The following CEP126 variants were observed in gnomAD, a reference collection of about 807,000 sequenced individuals.
CEP126 encodes the protein centrosomal protein of 126 kDa.
In CEP126, 74 loss-of-function variants were observed where a neutral mutation model predicts 107.8. The observed-to-expected ratio is 0.69, with a 90% CI of 0.57 to 0.83. The LOEUF is 0.83. CEP126 is among the 40% of genes least tolerant of loss of function. The pLI is 0.00. For missense variants in CEP126, 1,237 were observed against 1,281.9 expected, an observed-to-expected ratio of 0.96 and a Z score of 0.53; for synonymous variants, 449 against 446.0, an observed-to-expected ratio of 1.01 and a Z score of -0.08.
At chr11:101,997,394 C>T (rs1298541552) in intron 10 of CEP126, among the ~76,000 whole-genome samples, 1 of 152,160 alleles carries the variant, frequency 6.6e-6, no homozygotes, top group African/African-American at 2.4e-5. Flanking sequence ...GGGAATTTTA[C>T]CTTTTAGAGT....
chr11:101,982,772 C>A (rs1008955876), intron 8 of CEP126, among the ~76,000 whole-genome samples: 1 of 152,080 alleles, frequency 6.6e-6, no homozygotes, highest in African/African-American at 2.4e-5. Flanking sequence ...TGTAGAATAT[C>A]CCTAATCCAA....
At chr11:101,982,292 G>T (rs955824581) in intron 8 of CEP126, among the ~76,000 whole-genome samples, 2 of 152,052 alleles carry the variant, frequency 1.3e-5, no homozygotes, top group Non-Finnish European at 2.9e-5. Context: ...AATGAATACT[G>T]GATCAAAAGA....
intron 10 of CEP126, among the ~76,000 whole-genome samples, chr11:101,994,685 A>G (rs1941421747): frequency 6.6e-6 from 1 of 152,184 alleles, no homozygotes; most frequent in Non-Finnish European, 1.5e-5. Context: ...TTATAGGAGT[A>G]CAACATTATT....
chr11:101,930,107 G>A (rs1361219585), intron 2 of CEP126, among the ~76,000 whole-genome samples: 1 of 151,540 alleles, frequency 6.6e-6, no homozygotes, highest in Non-Finnish European at 1.5e-5. Context: ...CAGGCGCCAG[G>A]GTCCCTAGCC....
chr11:101,990,349 T>C (rs1793439191), intron 9 of CEP126, among the ~76,000 whole-genome samples: 1 of 151,990 alleles, frequency 6.6e-6, no homozygotes, highest in African/African-American at 2.4e-5. Flanking sequence ...CCCTGCAGAA[T>C]AAAGGCCATC....
chr11:101,967,400 T>C (rs1941070645), intron 6 of CEP126, among the ~76,000 whole-genome samples: 1 of 152,192 alleles, frequency 6.6e-6, no homozygotes, highest in African/African-American at 2.4e-5. Context: ...CAAACAGCCC[T>C]TCCCCGCCCA....
At chr11:101,987,101 T>A in intron 9 of CEP126, 60 bp downstream of exon 9, 3 of 1,168,520 alleles carry the variant, frequency 2.6e-6, no homozygotes, top group African/African-American at 1.6e-5. Flanking sequence ...ACAATTTTAA[T>A]TTAAACTTTA....
chr11:101,954,487 T>C (rs1940857353), intron 4 of CEP126, among the ~76,000 whole-genome samples: 1 of 152,224 alleles, frequency 6.6e-6, no homozygotes, highest in Non-Finnish European at 1.5e-5. Flanking sequence ...AGCAAGTCTA[T>C]GCTAGGATCA....
chr11:101,987,590 G>A (rs1941330091), intron 9 of CEP126, among the ~76,000 whole-genome samples: 1 of 151,488 alleles, frequency 6.6e-6, no homozygotes, highest in Admixed American at 6.6e-5. Flanking sequence ...CCACCATAAA[G>A]CTGGGCCACC....
intron 10 of CEP126, chr11:101,993,048 A>G (rs1175154395): frequency 1.2e-5 from 3 of 248,782 alleles, no homozygotes; most frequent in Non-Finnish European, 1.9e-5. Context: ...CTTAAAGGTC[A>G]GAATATGAAG....
intron 2 of CEP126, among the ~76,000 whole-genome samples, chr11:101,927,462 T>A (rs1940430098): frequency 6.6e-6 from 1 of 152,094 alleles, no homozygotes; most frequent in Non-Finnish European, 1.5e-5. Context: ...TAGTACAATA[T>A]CACAACTAGC....
At position 101,919,386 on chromosome 11, in the gene CEP126, G is replaced by A. The variant is rs61373108; in HGVS notation, c.129-3255G>A. On this transcript the variant is annotated intron_variant, in intron 1 of 10. Coordinates refer to ENST00000263468, the MANE Select transcript of CEP126 (RefSeq NM_020802.4). ...AGAGGAGAAGTGAGGATAGAGTGGG[G>A]TAGAATAAGCTATGCTTTAAAATCA... Among the ~76,000 whole-genome samples, 152 of 152,174 alleles carry A rather than the reference G, an allele frequency of 1.0e-3. 1 individual carries two copies. The highest frequency in any genetic ancestry group is 3.5e-3 in the African/African-American group (146 of 41,544).
chr11:101,991,119 A>G (rs938823186), intron 9 of CEP126, among the ~76,000 whole-genome samples: 3 of 152,048 alleles, frequency 2.0e-5, no homozygotes, highest in South Asian at 2.1e-4. Context: ...CAAGGCTGCA[A>G]TGAGCCATGA....
intron 4 of CEP126, among the ~76,000 whole-genome samples, chr11:101,953,529 A>T (rs1940841256): frequency 6.6e-6 from 1 of 152,210 alleles, no homozygotes; most frequent in South Asian, 2.1e-4. Context: ...TAGCATATAA[A>T]GGACAGGCAA....
At chr11:101,950,079 A>T (rs996465053) in intron 4 of CEP126, among the ~76,000 whole-genome samples, 3 of 152,176 alleles carry the variant, frequency 2.0e-5, no homozygotes, top group Non-Finnish European at 4.4e-5. Flanking sequence ...CAAGTAGAGA[A>T]ATGTGGTAAT....
At chr11:101,955,090 G>GA (rs1014186355) in intron 4 of CEP126, among the ~76,000 whole-genome samples, 3 of 151,834 alleles carry the variant, frequency 2.0e-5, no homozygotes, top group Non-Finnish European at 4.4e-5. Flanking sequence ...ATGTAAAAGA[G>GA]AAAAAAAATA....
intron 8 of CEP126, among the ~76,000 whole-genome samples, chr11:101,985,114 G>A (rs905939456): frequency 1.3e-5 from 2 of 152,116 alleles, no homozygotes; most frequent in African/African-American, 4.8e-5. Flanking sequence ...AGGAATAACA[G>A]TGATACCAAA....
chr11:101,955,367 T>C (rs911458360), intron 4 of CEP126, among the ~76,000 whole-genome samples: 10 of 152,254 alleles, frequency 6.6e-5, no homozygotes, highest in African/African-American at 2.2e-4. Context: ...AAAATGATAC[T>C]GCTAGATATC....
At chr11:101,955,319 G>C (rs1467273219) in intron 4 of CEP126, among the ~76,000 whole-genome samples, 1 of 152,166 alleles carries the variant, frequency 6.6e-6, no homozygotes, top group Non-Finnish European at 1.5e-5. Flanking sequence ...AGTAAAAGGG[G>C]ATATATTGTC....
Sources: allele counts gnomAD v4.1 joint callset (sites outside exome capture counted in the v4.1 genomes callset), GRCh38; gene constraint gnomAD v4.1.1; transcripts MANE v1.5; gene names NCBI Gene and HGNC (gene_info 2026-07-23, HGNC 2026-07-21).